Variants in SCAI observed in about 807,000 individuals in gnomAD.
SCAI encodes protein SCAI.
Under a neutral mutation model 92.2 loss-of-function variants are expected in SCAI, and 24 were observed. The ratio of observed to expected loss-of-function variants is 0.26; its 90% confidence interval spans 0.19 to 0.37. The LOEUF is 0.37. Ranked by LOEUF, SCAI falls within the 10% of genes least tolerant of loss-of-function variation. SCAI has a pLI of 1.00. For synonymous variants in SCAI, 261 were observed against 258.6 expected (o/e 1.01, Z -0.09); for missense variants, 450 against 736.2 (o/e 0.61, Z 4.50).
chr9:125,033,855 G>A (rs752182385), intron 3 of SCAI, among the ~76,000 whole-genome samples: 5 of 152,204 alleles, frequency 3.3e-5, no homozygotes, highest in Non-Finnish European at 7.4e-5. Context: ...AATAAAAAGA[G>A]AGGGAGGCAA....
chr9:124,953,688 C>T (rs1055180237), intron 17 of SCAI, among the ~76,000 whole-genome samples: 4 of 152,122 alleles, frequency 2.6e-5, no homozygotes, highest in African/African-American at 9.7e-5. Flanking sequence ...GTTGGGATTA[C>T]AGGCGTGAGC....
chr9:125,105,701 G>A (rs985181783), intron 2 of SCAI, among the ~76,000 whole-genome samples: 7 of 152,168 alleles, frequency 4.6e-5, no homozygotes, highest in African/African-American at 1.4e-4. Context: ...TTGGCATAGA[G>A]AAGGAAATTG....
intron 3 of SCAI, among the ~76,000 whole-genome samples, chr9:125,043,686 T>C (rs1833376468): frequency 1.3e-5 from 2 of 152,156 alleles, no homozygotes; most frequent in South Asian, 4.1e-4. Flanking sequence ...AGTGGTGCGA[T>C]CTCCACTCAC....
At chr9:125,071,479 G>A (rs553714230) in intron 2 of SCAI, among the ~76,000 whole-genome samples, 11 of 152,264 alleles carry the variant, frequency 7.2e-5, no homozygotes, top group Non-Finnish European at 1.5e-4. Flanking sequence ...AATGTATAAA[G>A]AAACTGAATA....
chr9:125,058,830 G>A (rs1349329267), intron 2 of SCAI, among the ~76,000 whole-genome samples: 1 of 152,194 alleles, frequency 6.6e-6, no homozygotes, highest in Non-Finnish European at 1.5e-5. Flanking sequence ...GTGGTAGTAA[G>A]CAAGAAAGTG....
intron 16 of SCAI, 61 bp downstream of exon 16, chr9:124,971,606 ATAAG>A: frequency 1.4e-6 from 2 of 1,458,546 alleles, no homozygotes; most frequent in Non-Finnish European, 1.9e-6. Context: ...ACAATTTAAA[ATAAG>A]TAACCATTTT....
At chr9:125,044,400 C>T (rs1833393499) in intron 3 of SCAI, among the ~76,000 whole-genome samples, 1 of 152,108 alleles carries the variant, frequency 6.6e-6, no homozygotes, top group African/African-American at 2.4e-5. Flanking sequence ...CTACCCACTC[C>T]TTTCTGCTGA....
chr9:125,029,619 T>A, intron 4 of SCAI, 25 bp downstream of exon 4: 2 of 1,476,628 alleles, frequency 1.4e-6, no homozygotes, highest in Non-Finnish European at 9.4e-7. Flanking sequence ...GCCTTCACTC[T>A]CCTTTAACTA....
chr9:125,073,319 T>C (rs1042110793), intron 2 of SCAI, among the ~76,000 whole-genome samples: 1 of 151,024 alleles, frequency 6.6e-6, no homozygotes, highest in Non-Finnish European at 1.5e-5. Context: ...TTAGCCAGGA[T>C]GGTCTCGATC....
At position 125,077,533 on chromosome 9, in the gene SCAI, C is replaced by T. The variant is rs116961523; in HGVS notation, c.99-21526G>A. Among the ~76,000 whole-genome samples the T allele has an allele frequency of 6.2e-3, 942 of 152,230 alleles. 3 individuals are homozygous for T. Among genetic ancestry groups the T allele is most frequent in the Non-Finnish European group, 9.0e-3 (612 of 68,002 alleles). On this transcript the variant is annotated intron_variant, in intron 2 of 17. Transcript: ENST00000336505. ...CTGTTAGGAGCTACCAGACTATTTT[C>T]CAAAGTGAATGTACCATTTCACACA...
intron 2 of SCAI, among the ~76,000 whole-genome samples, chr9:125,090,984 G>A (rs1466360394): frequency 6.6e-6 from 1 of 152,186 alleles, no homozygotes; most frequent in Admixed American, 6.5e-5. Context: ...TGGGCATGGT[G>A]GCAGGCGCCT....
intron 2 of SCAI, among the ~76,000 whole-genome samples, chr9:125,084,244 C>G (rs1412087885): frequency 7.3e-6 from 1 of 137,188 alleles, no homozygotes; most frequent in Non-Finnish European, 1.5e-5. Context: ...TATCTCGGCT[C>G]ACTGCAAGCT....
In SCAI at chr9:124,990,385, AG is replaced by A. The variant is rs1431653474; in HGVS notation, c.1326+4548del. ...GTGCTTATAATCCCAGCTACTAGAG[AG>A]GCTGAGGCAGGAGAATCGCTTGAAC... is the stretch of plus-strand genomic sequence containing the variant. On this transcript the variant is annotated intron_variant, in intron 14 of 17. Transcript: ENST00000336505. Among the ~76,000 whole-genome samples the A allele has an allele frequency of 3.3e-5, 5 of 152,230 alleles. No homozygotes were observed. The South Asian group carries it at 1.0e-3, about 32-fold the overall frequency.
intron 2 of SCAI, among the ~76,000 whole-genome samples, chr9:125,069,311 T>A (rs1018861344): frequency 6.6e-6 from 1 of 151,900 alleles, no homozygotes; most frequent in Non-Finnish European, 1.5e-5. Context: ...ATCATTTTGT[T>A]ATGAGCTCAG....
At chr9:125,031,053 C>CTT in intron 3 of SCAI, among the ~76,000 whole-genome samples, 1 of 152,028 alleles carries the variant, frequency 6.6e-6, no homozygotes, top group African/African-American at 2.4e-5. Context: ...CCCCAAGTAC[C>CTT]TTTTTTCAGT....
intron 2 of SCAI, among the ~76,000 whole-genome samples, chr9:125,084,561 C>A (rs575291493): frequency 6.6e-6 from 1 of 152,182 alleles, no homozygotes; most frequent in East Asian, 1.9e-4. Flanking sequence ...TGCCTGGGGC[C>A]AAAGCTGCTT....
At chr9:125,139,027 G>A (rs540578830) in intron 2 of SCAI, among the ~76,000 whole-genome samples, 1 of 152,290 alleles carries the variant, frequency 6.6e-6, no homozygotes, top group East Asian at 1.9e-4. Flanking sequence ...GGGAGGGTGG[G>A]GGGAAGCCCT....
At chr9:125,088,879 T>C (rs913775500) in intron 2 of SCAI, among the ~76,000 whole-genome samples, 1 of 152,212 alleles carries the variant, frequency 6.6e-6, no homozygotes, top group Non-Finnish European at 1.5e-5. Flanking sequence ...TAAGTCTTTG[T>C]TGTGGGGGTT....
chr9:125,074,610 T>A (rs1359335157), intron 2 of SCAI, among the ~76,000 whole-genome samples: 1 of 151,738 alleles, frequency 6.6e-6, no homozygotes, highest in Non-Finnish European at 1.5e-5. Context: ...ACAGATAGAA[T>A]CTCCTAAGGA....
Sources: allele counts gnomAD v4.1 joint callset (sites outside exome capture counted in the v4.1 genomes callset), GRCh38; gene constraint gnomAD v4.1.1; transcripts MANE v1.5; gene names NCBI Gene and HGNC (gene_info 2026-07-23, HGNC 2026-07-21).